The following ERICH3 variants were observed in gnomAD, a reference collection of about 807,000 sequenced individuals.
ERICH3 encodes the protein glutamate-rich protein 3.
A neutral mutation model predicts 131.1 loss-of-function variants in ERICH3; 126 were observed. The observed-to-expected ratio is 0.96, with a 90% CI of 0.83 to 1.11. ERICH3 has a LOEUF of 1.11. ERICH3 is among the 50% of genes most tolerant of loss of function. The probability of loss-of-function intolerance (pLI) is 0.00; values close to 1 mark genes in which losing one functional copy is unlikely to be tolerated. For missense variants in ERICH3, 2,050 were observed against 1,810.7 expected (o/e 1.13, Z -2.40); for synonymous variants, 695 against 644.6 (o/e 1.08, Z -1.18).
At chr1:74,660,639 T>C (rs570378763) in intron 1 of ERICH3, among the ~76,000 whole-genome samples, 2 of 148,710 alleles carry the variant, frequency 1.3e-5, no homozygotes, top group Non-Finnish European at 3.0e-5. Context: ...TACACATGTG[T>C]ATATATGTGT....
intron 8 of ERICH3, among the ~76,000 whole-genome samples, chr1:74,616,425 C>G (rs1648969552): frequency 6.6e-6 from 1 of 152,102 alleles, no homozygotes; most frequent in East Asian, 1.9e-4. Flanking sequence ...GATAAGCTCC[C>G]TATATATCCC....
chr1:74,647,191 T>C (rs531797291), intron 2 of ERICH3, among the ~76,000 whole-genome samples: 1 of 152,232 alleles, frequency 6.6e-6, no homozygotes, highest in Admixed American at 6.5e-5. Context: ...CAATTTTCCC[T>C]TGATGGAACC....
chr1:74,614,582 CAGG>C (rs752752743), intron 8 of ERICH3, among the ~76,000 whole-genome samples: 2 of 150,784 alleles, frequency 1.3e-5, no homozygotes, highest in Non-Finnish European at 2.9e-5. Flanking sequence ...GAGGCTGAGG[CAGG>C]AGAATGGCGT....
In ERICH3 at chr1:74,636,581, A is replaced by G. The variant is rs976121544; in HGVS notation, c.445-143T>C. The G allele has an allele frequency of 4.9e-5, 39 of 803,346 alleles. No individual in the cohort carries two copies. The African/African-American group carries it at 6.7e-4, about 14-fold the overall frequency. The allele number at this position is 803,346 out of a possible 1,614,324, so 49.8% of individuals were successfully genotyped here. A position where few individuals can be genotyped will look rare whatever the true frequency, so the allele number is the denominator to read the frequency against. On this transcript the variant is annotated intron_variant, in intron 5 of 14. Transcript: ENST00000326665. ...TAAACTTTAATTATGTCCTTCCATT[A>G]TACATACCCTTATGACCCAAAGTAT...
chr1:74,615,488 AC>A (rs1210671736), intron 8 of ERICH3, among the ~76,000 whole-genome samples: 1 of 152,192 alleles, frequency 6.6e-6, no homozygotes, highest in Non-Finnish European at 1.5e-5. Context: ...TTTATTGTTC[AC>A]TGACAGTTGG....
rs182702680 is a variant in ERICH3, at chr1:74,605,989, T to C, written c.1489+612A>G. Among the ~76,000 whole-genome samples, 327 of 137,484 alleles carry C rather than the reference T, an allele frequency of 2.4e-3. 1 individual carries two copies. The highest frequency in any genetic ancestry group is 9.2e-3 in the Admixed American group (108 of 11,692). The allele number at this position is 137,484 out of a possible 152,430, so 90.2% of individuals were successfully genotyped here. The stretch of plus-strand genomic sequence containing the variant: ...CTGCATATATATGTGTGTATGTATA[T>C]ATATGAATGCGCGTGTGTCTGTGTG... On this transcript the variant is annotated intron_variant, in intron 10 of 14. Coordinates refer to ENST00000326665, the MANE Select transcript of ERICH3 (RefSeq NM_001002912.5).
At chr1:74,598,979 T>G (rs961221337) in intron 11 of ERICH3, among the ~76,000 whole-genome samples, 1 of 151,962 alleles carries the variant, frequency 6.6e-6, no homozygotes, top group African/African-American at 2.4e-5. Flanking sequence ...AATAAGTTAT[T>G]CATACACGTA....
chr1:74,645,047 C>A (rs1646469385), intron 3 of ERICH3, among the ~76,000 whole-genome samples: 1 of 152,036 alleles, frequency 6.6e-6, no homozygotes, highest in Non-Finnish European at 1.5e-5. Context: ...AGGTCTGGAA[C>A]ACCTTTCCCA....
At chr1:74,626,036 C>T (rs188570306) in intron 7 of ERICH3, 19 of 152,028 alleles carry the variant, frequency 1.2e-4, no homozygotes, top group African/African-American at 4.6e-4. Context: ...ATATTGATTA[C>T]AGGTGGAAAT....
At chr1:74,641,251 G>C (rs1646434757) in intron 5 of ERICH3, 80 bp downstream of exon 5, 2 of 1,520,988 alleles carry the variant, frequency 1.3e-6, no homozygotes, top group South Asian at 1.2e-5. Context: ...CATGCTCCCA[G>C]AGAGTATCCC....
intron 8 of ERICH3, among the ~76,000 whole-genome samples, chr1:74,613,614 T>C (rs764978884): frequency 3.9e-5 from 6 of 152,230 alleles, no homozygotes; most frequent in Non-Finnish European, 7.3e-5. Context: ...CTCCAAGCTA[T>C]ACTCAATTCT....
intron 9 of ERICH3, 59 bp downstream of exon 9, chr1:74,612,564 G>A (rs933211631): frequency 3.2e-5 from 44 of 1,390,084 alleles, no homozygotes; most frequent in Non-Finnish European, 4.3e-5. Context: ...ATTAGTAAAG[G>A]CATTCAAAGA....
intron 7 of ERICH3, chr1:74,621,704 A>C (rs1649227682): frequency 6.6e-6 from 1 of 152,220 alleles, no homozygotes. Flanking sequence ...TCAATGTCCT[A>C]GGCATTGACT....
At chr1:74,619,425 T>G (rs1319220169) in intron 8 of ERICH3, among the ~76,000 whole-genome samples, 1 of 152,178 alleles carries the variant, frequency 6.6e-6, no homozygotes, top group African/African-American at 2.4e-5. Flanking sequence ...CCTAAATCAA[T>G]AGCTGAAAGT....
intron 11 of ERICH3, among the ~76,000 whole-genome samples, chr1:74,593,485 T>C (rs1647702318): frequency 6.6e-6 from 1 of 152,160 alleles, no homozygotes; most frequent in Non-Finnish European, 1.5e-5. Flanking sequence ...TCTCCTTACA[T>C]AATTGTAGAA....
intron 13 of ERICH3, among the ~76,000 whole-genome samples, 176 bp from the exon 14 acceptor site, chr1:74,573,667 A>G (rs1039542802): frequency 2.6e-5 from 4 of 152,230 alleles, no homozygotes; most frequent in African/African-American, 9.6e-5. Flanking sequence ...TGACTATAAC[A>G]TGCACCATGA....
At chr1:74,625,523 A>G (rs967745894) in intron 7 of ERICH3, 3 of 152,084 alleles carry the variant, frequency 2.0e-5, no homozygotes, top group African/African-American at 7.2e-5. Context: ...GTCAAAACTA[A>G]TATTTCTTTC....
At chr1:74,639,985 G>A (rs1401613327) in intron 5 of ERICH3, among the ~76,000 whole-genome samples, 1 of 152,106 alleles carries the variant, frequency 6.6e-6, no homozygotes, top group African/African-American at 2.4e-5. Context: ...CCCTTACGGT[G>A]CAAAAGCACC....
intron 9 of ERICH3, among the ~76,000 whole-genome samples, chr1:74,609,521 T>G (rs1281856449): frequency 6.6e-6 from 1 of 151,966 alleles, no homozygotes; most frequent in Non-Finnish European, 1.5e-5. Flanking sequence ...TCCATGGAGT[T>G]CTGCAGTGTT....
Sources: gnomAD v4.1 joint callset for allele counts (sites outside exome capture counted in the v4.1 genomes callset) on GRCh38, gnomAD v4.1.1 for gene constraint, MANE v1.5 for transcripts, NCBI Gene and HGNC (gene_info 2026-07-23, HGNC 2026-07-21) for gene names.